Variants in PPP1R17 observed in about 807,000 individuals in gnomAD.
The protein encoded by PPP1R17 is G-substrate.
In PPP1R17, 12 loss-of-function variants were observed where a neutral mutation model predicts 15.9. The observed-to-expected ratio is 0.75, with a 90% CI of 0.48 to 1.22. PPP1R17 has a LOEUF of 1.22. PPP1R17 is among the 50% of genes most tolerant of loss of function. PPP1R17 has a pLI of 0.00. For missense variants in PPP1R17, 211 were observed against 187.3 expected, an observed-to-expected ratio of 1.13 and a Z score of -0.74; for synonymous variants, 63 against 64.5, an observed-to-expected ratio of 0.98 and a Z score of 0.11.
chr7:31,693,957 A>C (rs1583831586), intron 2 of PPP1R17, among the ~76,000 whole-genome samples: 1 of 152,238 alleles, frequency 6.6e-6, no homozygotes, highest in Admixed American at 6.5e-5. Context: ...TGTCCAAAGA[A>C]GACAAAAAGT....
chr7:31,688,317 C>A (rs748414526), intron 1 of PPP1R17, among the ~76,000 whole-genome samples: 1 of 152,218 alleles, frequency 6.6e-6, no homozygotes, highest in African/African-American at 2.4e-5. Context: ...CAAACGTTGG[C>A]TTCTACCTTA....
chr7:31,707,260 G>C lies in PPP1R17; in HGVS notation c.445G>C (p.Asp149His). The C allele has an allele frequency of 6.2e-7, 1 of 1,614,010 alleles. No individual in the cohort carries two copies. Among genetic ancestry groups the C allele is most frequent in the Non-Finnish European group, 8.5e-7 (1 of 1,179,906 alleles). ...AGCAATCGTGGAAGATGACGAAAAG[G>C]ATGGTGACAAGATAGCTATTTAAAG... ...PKAIVEDDEK[D>H]GDKIAI Residue 149 changes from aspartate to histidine, a missense_variant, in exon 5 of 5, where the codon GAT (aspartate) becomes CAT (histidine). Physicochemically the swap from Asp to His is moderately conservative, Grantham distance 81. Transcript: ENST00000342032.
chr7:31,701,852 A>T (rs573284525), intron 4 of PPP1R17, among the ~76,000 whole-genome samples: 1 of 152,252 alleles, frequency 6.6e-6, no homozygotes, highest in Non-Finnish European at 1.5e-5. Flanking sequence ...ATTTTTAAAG[A>T]CATAATGCTA....
rs1793107200 is a variant in PPP1R17, at chr7:31,707,255, A to C, written c.440A>C (p.Glu147Ala). Reference sequence around the variant, plus strand: ...CCCAAAGCAATCGTGGAAGATGACGAAAAGGATGGTGACAAGATAGCTATT... The same window carrying C: ...CCCAAAGCAATCGTGGAAGATGACGCAAAGGATGGTGACAAGATAGCTATT... ...ERPKAIVEDD[E>A]KDGDKIAI is the part of the protein sequence containing the mutation. Residue 147 changes from glutamate (E) to alanine (A), a missense_variant, in exon 5 of 5, where the codon GAA (glutamate) becomes GCA (alanine). Coordinates refer to ENST00000342032, the MANE Select transcript of PPP1R17 (RefSeq NM_006658.5). The C allele has an allele frequency of 6.2e-7, 1 of 1,613,838 alleles. No homozygotes were observed. The highest frequency in any genetic ancestry group is 8.5e-7 in the Non-Finnish European group (1 of 1,179,886).
chr7:31,696,931 T>A (rs984975942), intron 3 of PPP1R17, 34 bp from the exon 4 acceptor site: 1 of 1,607,020 alleles, frequency 6.2e-7, no homozygotes, highest in African/African-American at 1.3e-5. Context: ...ATGTATTTGA[T>A]CCTGTTTCTC....
chr7:31,700,912 A>T (rs1792821373), intron 4 of PPP1R17, among the ~76,000 whole-genome samples: 1 of 152,116 alleles, frequency 6.6e-6, no homozygotes, highest in Admixed American at 6.6e-5. Flanking sequence ...CCAAAAAAAG[A>T]CCCTTTTCAA....
intron 4 of PPP1R17, among the ~76,000 whole-genome samples, chr7:31,697,642 G>C (rs1792654476): frequency 6.6e-6 from 1 of 152,200 alleles, no homozygotes; most frequent in African/African-American, 2.4e-5. Context: ...CCTTGTCTCT[G>C]AGAAGTACAA....
At chr7:31,695,841 T>C (rs973542092) in intron 3 of PPP1R17, 1 of 372,872 alleles carries the variant, frequency 2.7e-6, no homozygotes, top group African/African-American at 2.1e-5. Flanking sequence ...TTTTTTTACC[T>C]ACCAATAGTG....
chr7:31,687,437 G>A (rs1426079409), intron 1 of PPP1R17, 131 bp downstream of exon 1: 1 of 152,292 alleles, frequency 6.6e-6, no homozygotes, highest in Non-Finnish European at 1.5e-5. Context: ...CTAAGCTGGG[G>A]CCGAGTGGAC....
At chr7:31,702,172 G>A (rs2128246013) in intron 4 of PPP1R17, among the ~76,000 whole-genome samples, 1 of 151,464 alleles carries the variant, frequency 6.6e-6, no homozygotes, top group African/African-American at 2.4e-5. Context: ...CCTTAGAATT[G>A]TGATATGGCT....
At chr7:31,694,922 G>T (rs1792512978) in intron 2 of PPP1R17, among the ~76,000 whole-genome samples, 1 of 152,136 alleles carries the variant, frequency 6.6e-6, no homozygotes. Flanking sequence ...AAATAGGAGG[G>T]TTACAAAGCC....
chr7:31,699,189 G>A (rs565436552), intron 4 of PPP1R17, among the ~76,000 whole-genome samples: 42 of 151,154 alleles, frequency 2.8e-4, no homozygotes, highest in African/African-American at 1.0e-3. Flanking sequence ...TCTGAGGACT[G>A]CCTTTATTAC....
chr7:31,700,794 T>G (rs1288666431), intron 4 of PPP1R17, among the ~76,000 whole-genome samples: 1 of 152,118 alleles, frequency 6.6e-6, no homozygotes, highest in Non-Finnish European at 1.5e-5. Flanking sequence ...TATGTTAAAT[T>G]GAAGCTGCCT....
Position 31,692,269 on chromosome 7 carries a change from TAAG to T in PPP1R17, c.-36-133_-36-131del. ...GTTTAGAGTTTCTAATAGCCAAGTT[TAAG>T]AAGCACACATAAAGAAACAGGATTG... On this transcript the variant is annotated intron_variant, in intron 1 of 4. Transcript: ENST00000342032. 1.1e-5 allele frequency: 6 copies of T among 562,142 alleles called. 1 individual carries two copies. In the South Asian group the frequency reaches 1.7e-4, roughly 16 times the overall value. The allele number at this position is 562,142 out of a possible 1,614,324, so 34.8% of individuals were successfully genotyped here.
chr7:31,698,245 G>A (rs1014737175), intron 4 of PPP1R17, among the ~76,000 whole-genome samples: 6 of 152,132 alleles, frequency 3.9e-5, no homozygotes, highest in African/African-American at 1.2e-4. Context: ...AAGACATCAC[G>A]ACAGAAACAG....
At chr7:31,703,213 C>G (rs533150595) in intron 4 of PPP1R17, among the ~76,000 whole-genome samples, 25 of 152,326 alleles carry the variant, frequency 1.6e-4, no homozygotes, top group African/African-American at 5.8e-4. Context: ...TCTGTTCAAT[C>G]TTATATTCTT....
intron 1 of PPP1R17, among the ~76,000 whole-genome samples, chr7:31,691,797 TAAAAAA>T (rs377169335): frequency 3.5e-5 from 3 of 86,544 alleles, no homozygotes; most frequent in African/African-American, 8.9e-5. Flanking sequence ...ATGTAATGAT[TAAAAAA>T]AAAAAAAAAA....
At position 31,694,387 on chromosome 7, in the gene PPP1R17, AACAC is replaced by A. The variant is rs533091870; in HGVS notation, c.83-1056_83-1053del. On this transcript the variant is annotated intron_variant, in intron 2 of 4. Coordinates refer to ENST00000342032, the MANE Select transcript of PPP1R17 (RefSeq NM_006658.5). The stretch of plus-strand genomic sequence containing the variant: ...ATTTTAGCTCTCTCTCTCTCTCTCA[AACAC>A]ACACACACACACACACACACACACA... Among the ~76,000 whole-genome samples the A allele has an allele frequency of 9.7e-4, 137 of 141,632 alleles. 1 individual carries two copies. Among genetic ancestry groups the A allele is most frequent in the Middle Eastern group, 3.5e-3 (1 of 284 alleles). 92.9% of individuals were successfully genotyped at this position (141,632 alleles called of 152,430 possible).
chr7:31,706,287 G>C (rs191480338), intron 4 of PPP1R17, among the ~76,000 whole-genome samples: 343 of 152,044 alleles, frequency 2.3e-3, no homozygotes, highest in Non-Finnish European at 4.4e-3. Context: ...TTATAGGCAT[G>C]AGCCACCACA....
Sources: allele counts gnomAD v4.1 joint callset (sites outside exome capture counted in the v4.1 genomes callset), GRCh38; gene constraint gnomAD v4.1.1; transcripts MANE v1.5; gene names NCBI Gene and HGNC (gene_info 2026-07-23, HGNC 2026-07-21).